URI1: variants seen among roughly 807,000 people sequenced by gnomAD.
URI1 encodes the protein unconventional prefoldin RPB5 interactor 1.
Under a neutral mutation model 60.2 loss-of-function variants are expected in URI1, and 39 were observed. The ratio of observed to expected loss-of-function variants is 0.65; its 90% CI spans 0.50 to 0.85. The LOEUF (loss-of-function observed/expected upper bound fraction) is 0.85. Ranked by LOEUF, URI1 falls within the 40% of genes least tolerant of loss-of-function variation. The pLI, the probability that URI1 is intolerant of heterozygous loss-of-function variation, is 0.00. For missense variants in URI1, 691 were observed against 665.9 expected (o/e 1.04, Z -0.42); for synonymous variants, 251 against 236.8 (o/e 1.06, Z -0.55).
rs556590409 is a variant in URI1, at chr19:29,959,319, A to T, written c.118-11874A>T. On this transcript the variant is annotated intron_variant, in intron 1 of 10. Coordinates refer to ENST00000392271, the MANE Select transcript of URI1 (RefSeq NM_003796.3). The stretch of plus-strand genomic sequence containing the variant: ...TTTTCTGTATTTTTTGTAGAGACAG[A>T]GTCTCACTATGTTGCCCAGGCTGGT... Among the ~76,000 whole-genome samples the T allele has an allele frequency of 5.8e-4, 89 of 152,162 alleles. 1 individual carries two copies. The highest frequency in any genetic ancestry group is 2.0e-3 in the African/African-American group (85 of 41,520).
intron 1 of URI1, among the ~76,000 whole-genome samples, chr19:29,948,192 T>A (rs2145241311): frequency 6.6e-6 from 1 of 152,338 alleles, no homozygotes; most frequent in Non-Finnish European, 1.5e-5. Flanking sequence ...TGGTACATGG[T>A]GGTGTAGTTT....
At chr19:29,928,904 A>G (rs1051066164) in intron 1 of URI1, among the ~76,000 whole-genome samples, 1 of 152,176 alleles carries the variant, frequency 6.6e-6, no homozygotes, top group African/African-American at 2.4e-5. Context: ...CAGACTCCCA[A>G]GTTCCTTCAC....
At chr19:29,935,700 C>CTTTTTTTTTTTTTTT (rs34820413) in intron 1 of URI1, among the ~76,000 whole-genome samples, 4 of 131,862 alleles carry the variant, frequency 3.0e-5, no homozygotes, top group African/African-American at 8.7e-5. Context: ...GGTTGACAGT[C>CTTTTTTTTTTTTTTT]TTTTTTTTTT....
At chr19:29,932,923 G>A (rs974204786) in intron 1 of URI1, among the ~76,000 whole-genome samples, 2 of 152,192 alleles carry the variant, frequency 1.3e-5, no homozygotes, top group Non-Finnish European at 2.9e-5. Flanking sequence ...AAAGTGCTGG[G>A]ATTACAGGTG....
chr19:30,014,155 A>G (rs775674597), intron 10 of URI1: 15 of 152,256 alleles, frequency 9.9e-5, no homozygotes, highest in Admixed American at 3.3e-4. Flanking sequence ...CCAGCAATTT[A>G]TGCACATTCT....
At chr19:29,959,841 C>T (rs1408299399) in intron 1 of URI1, among the ~76,000 whole-genome samples, 1 of 151,508 alleles carries the variant, frequency 6.6e-6, no homozygotes, top group Non-Finnish European at 1.5e-5. Flanking sequence ...TTCTACTTTA[C>T]TGATTTCTTC....
chr19:29,972,618 A>G (rs955417037), intron 2 of URI1, among the ~76,000 whole-genome samples: 1 of 152,148 alleles, frequency 6.6e-6, no homozygotes, highest in Admixed American at 6.5e-5. Context: ...CTTTAAGGAT[A>G]AGGGCACGTT....
At position 29,942,301 on chromosome 19, in the gene URI1, T is replaced by TA; in HGVS notation, c.-246dup. The TA allele has an allele frequency of 6.1e-6, 6 of 985,078 alleles. No individual in the cohort carries two copies. The highest frequency in any genetic ancestry group is 7.2e-6 in the Non-Finnish European group (6 of 829,686). The allele number at this position is 985,078 out of a possible 1,614,324, so 61.0% of individuals were successfully genotyped here. A position where few individuals can be genotyped will look rare whatever the true frequency, so the allele number is the denominator to read the frequency against. On this transcript the variant is annotated 5_prime_UTR_variant, in exon 1 of 11. Transcript: ENST00000392271. ...GGCCCGCACCGGAGAGGCGTCTCGG[T>TA]ACCTGGCAGGCGGCCTGCTACTCGG... is the stretch of plus-strand genomic sequence containing the variant.
At chr19:29,996,627 C>A (rs149467771) in intron 4 of URI1, among the ~76,000 whole-genome samples, 2 of 152,128 alleles carry the variant, frequency 1.3e-5, no homozygotes, top group Non-Finnish European at 2.9e-5. Flanking sequence ...CTAGCTAGAA[C>A]TTCTAGTATG....
intron 4 of URI1, among the ~76,000 whole-genome samples, chr19:30,001,730 T>C (rs935147788): frequency 1.3e-5 from 2 of 151,992 alleles, no homozygotes; most frequent in Non-Finnish European, 2.9e-5. Flanking sequence ...GTTCCATTTT[T>C]TTCTGTTGTG....
chr19:29,969,557 T>G (rs1464869676), intron 1 of URI1, among the ~76,000 whole-genome samples: 1 of 152,218 alleles, frequency 6.6e-6, no homozygotes, highest in Non-Finnish European at 1.5e-5. Flanking sequence ...CTAGTTAATA[T>G]GCAGCTACGA....
At chr19:29,935,714 T>TTTTTTTTTTTTTTTTTTTTTTTTC (rs2054964136) in intron 1 of URI1, among the ~76,000 whole-genome samples, 3 of 149,240 alleles carry the variant, frequency 2.0e-5, no homozygotes, top group African/African-American at 7.4e-5. Context: ...TTTTTTTTTT[T>TTTTTTTTTTTTTTTTTTTTTTTTC]CCCCAGGACT....
intron 1 of URI1, among the ~76,000 whole-genome samples, chr19:29,968,122 A>T (rs2145315630): frequency 6.6e-6 from 1 of 152,336 alleles, no homozygotes; most frequent in African/African-American, 2.4e-5. Context: ...ATACTTTATT[A>T]TAAATTCTTG....
At chr19:30,004,005 C>T (rs900592107) in intron 4 of URI1, among the ~76,000 whole-genome samples, 2 of 151,992 alleles carry the variant, frequency 1.3e-5, no homozygotes, top group East Asian at 1.9e-4. Context: ...TGACCATGCT[C>T]GGATGAAATC....
Position 29,942,626 on chromosome 19 carries a change from G to GC in URI1, c.83dup (p.Asp29GlyfsTer15). 1 of 1,450,498 alleles carries GC rather than the reference G, an allele frequency of 6.9e-7. No individual in the cohort carries two copies. The highest frequency in any genetic ancestry group is 9.1e-7 in the Non-Finnish European group (1 of 1,102,804). 89.9% of individuals were successfully genotyped at this position (1,450,498 alleles called of 1,614,324 possible). A position where few individuals can be genotyped will look rare whatever the true frequency, so the allele number is the denominator to read the frequency against. On this transcript the variant is annotated frameshift_variant, in exon 1 of 11. Coordinates refer to ENST00000392271, the MANE Select transcript of URI1 (RefSeq NM_003796.3). LOFTEE classifies it high-confidence loss of function. ...GGCCCCTGCCCTGGTTCCGTTGCGC[G>GC]CCCCGGATGTGGCGCGGCTGCGCGA...
chr19:30,012,738 C>A, intron 10 of URI1: 1 of 541,498 alleles, frequency 1.8e-6, no homozygotes, highest in Non-Finnish European at 2.9e-6. Flanking sequence ...CTTGTCTTAA[C>A]GTTCTATTTC....
intron 2 of URI1, among the ~76,000 whole-genome samples, chr19:29,971,765 A>G (rs568708447): frequency 2.4e-4 from 37 of 152,042 alleles, no homozygotes; most frequent in African/African-American, 8.9e-4. Flanking sequence ...TTTGGTAAAT[A>G]ACACACTTTC....
chr19:30,012,121 A>G (rs2056028524), intron 9 of URI1, among the ~76,000 whole-genome samples, 164 bp from the exon 10 acceptor site: 1 of 152,252 alleles, frequency 6.6e-6, no homozygotes, highest in South Asian at 2.1e-4. Flanking sequence ...TGAAGATACC[A>G]TTTGAGGCTA....
intron 1 of URI1, among the ~76,000 whole-genome samples, chr19:29,962,316 A>G (rs998791027): frequency 2.4e-5 from 3 of 124,784 alleles, no homozygotes; most frequent in African/African-American, 9.1e-5. Flanking sequence ...ATTTCCTCCT[A>G]TTAACTTGTT....
Sources: allele counts gnomAD v4.1 joint callset (sites outside exome capture counted in the v4.1 genomes callset), GRCh38; gene constraint gnomAD v4.1.1; transcripts MANE v1.5; gene names NCBI Gene and HGNC (gene_info 2026-07-23, HGNC 2026-07-21).